Variants in GTF3C1 observed in about 807,000 individuals in gnomAD.
The protein encoded by GTF3C1 is general transcription factor IIIC subunit 1, also known as general transcription factor 3C polypeptide 1.
GTF3C1 carries 57 observed loss-of-function variants against 226.7 expected under a neutral mutation model. The ratio of observed to expected loss-of-function variants is 0.25; its 90% confidence interval spans 0.20 to 0.31. The LOEUF (loss-of-function observed/expected upper bound fraction) is 0.31. Among genes scored for constraint, GTF3C1 ranks in the 10% least tolerant of loss-of-function variants. The pLI is 1.00. For missense variants in GTF3C1, 2,217 were observed against 2,776.1 expected (o/e 0.80, Z 4.53); for synonymous variants, 1,090 against 1,084.8 (o/e 1.00, Z -0.09).
chr16:27,541,598 T>G, intron 2 of GTF3C1, among the ~76,000 whole-genome samples: 1 of 152,158 alleles, frequency 6.6e-6, no homozygotes, highest in Admixed American at 6.5e-5. Context: ...TACGATGGTG[T>G]CTGGGCAATG....
intron 14 of GTF3C1, among the ~76,000 whole-genome samples, chr16:27,496,309 T>A (rs541295860): frequency 6.6e-6 from 1 of 152,338 alleles, no homozygotes; most frequent in African/African-American, 2.4e-5. Context: ...GGTATGCCTT[T>A]ATAATAAGAA....
chr16:27,464,652 G>T lies in GTF3C1; in HGVS notation c.5540C>A (p.Pro1847His). Reference protein sequence around the residue: ...LEGSSSEDSPPEGQAPPSHSP... With the variant: ...LEGSSSEDSPHEGQAPPSHSP... ...GTGAGAAGGAGGTGCCTGCCCCTCG[G>T]GGGGGCTGTCCTCACTGGAAGACCC... Residue 1847 changes from proline (P) to histidine (H), a missense_variant, in exon 34 of 37, where the codon CCC (proline) becomes CAC (histidine). Coordinates refer to ENST00000356183, the MANE Select transcript of GTF3C1 (RefSeq NM_001520.4). The T allele has an allele frequency of 3.9e-6, 6 of 1,525,464 alleles. No individual in the cohort carries two copies. Among genetic ancestry groups the T allele is most frequent in the Non-Finnish European group, 4.4e-6 (5 of 1,140,228 alleles). 94.5% of individuals were successfully genotyped at this position (1,525,464 alleles called of 1,614,324 possible). A position where few individuals can be genotyped will look rare whatever the true frequency, so the allele number is the denominator to read the frequency against.
intron 23 of GTF3C1, 65 bp downstream of exon 23, chr16:27,488,162 C>T (rs1033031181): frequency 4.9e-6 from 7 of 1,415,546 alleles, no homozygotes; most frequent in Non-Finnish European, 6.9e-6. Context: ...TGGAGTGAGG[C>T]TGTCGCACAT....
intron 23 of GTF3C1, among the ~76,000 whole-genome samples, chr16:27,487,134 C>T (rs764362259): frequency 3.9e-5 from 6 of 152,192 alleles, no homozygotes; most frequent in South Asian, 2.1e-4. Context: ...AATTTGGACT[C>T]GAAGTGACAC....
chr16:27,462,946 C>CG lies in GTF3C1; in HGVS notation c.5925-461dup, dbSNP rs1206516700. The CG allele has an allele frequency of 5.7e-6, 1 of 174,364 alleles. No individual in the cohort carries two copies. Among genetic ancestry groups the CG allele is most frequent in the African/African-American group, 2.4e-5 (1 of 42,246 alleles). 10.8% of individuals were successfully genotyped at this position (174,364 alleles called of 1,614,324 possible). A position where few individuals can be genotyped will look rare whatever the true frequency, so the allele number is the denominator to read the frequency against. Reference sequence around the variant, plus strand: ...CTAAACCAGAGACTGAACAGCCACCCGGGGCCCACGAGTGGGGCGGACCCA... The same window carrying CG: ...CTAAACCAGAGACTGAACAGCCACCCGGGGGCCCACGAGTGGGGCGGACCCA... On this transcript the variant is annotated intron_variant, in intron 35 of 36. Coordinates refer to ENST00000356183, the MANE Select transcript of GTF3C1 (RefSeq NM_001520.4). The surrounding 1 kb of genome is among the most constrained non-coding windows in gnomAD (Gnocchi z 4.5).
At chr16:27,478,444 A>G (rs997971301) in intron 28 of GTF3C1, 25 bp downstream of exon 28, 10 of 1,480,476 alleles carry the variant, frequency 6.8e-6, no homozygotes, top group Non-Finnish European at 8.5e-6. Context: ...GCTGAGGAAA[A>G]GCTACTCTAT....
At chr16:27,475,492 G>C (rs1478511495) in intron 29 of GTF3C1, among the ~76,000 whole-genome samples, 1 of 152,074 alleles carries the variant, frequency 6.6e-6, no homozygotes, top group Non-Finnish European at 1.5e-5. Context: ...TGATGACTTG[G>C]GGGAGAACGA....
At position 27,464,807 on chromosome 16, in the gene GTF3C1, C is replaced by G. The variant is rs2087760129; in HGVS notation, c.5385G>C (p.Glu1795Asp). 1 of 1,521,832 alleles carries G rather than the reference C, an allele frequency of 6.6e-7. No homozygotes were observed. The allele number at this position is 1,521,832 out of a possible 1,614,324, so 94.3% of individuals were successfully genotyped here. ...QALLEQHQVL[E>D]VGGNTARLVA... is the part of the protein sequence containing the mutation. ...CCAGGCGCGCAGTGTTGCCACCGAC[C>G]TCCAGCACCTGATGCTGCTCCAGGA... Residue 1795 changes from glutamate to aspartate, a missense_variant, in exon 34 of 37, where the codon GAG (glutamate) becomes GAC (aspartate). Glu to Asp is a conservative substitution (Grantham distance 45). This residue lies in a region of GTF3C1 where 455 missense variants were observed against 441.9 expected (regional missense o/e 1.03). Coordinates refer to ENST00000356183, the MANE Select transcript of GTF3C1 (RefSeq NM_001520.4).
intron 25 of GTF3C1, 89 bp from the exon 26 acceptor site, chr16:27,483,214 G>A (rs1375116832): frequency 7.9e-7 from 1 of 1,268,446 alleles, no homozygotes; most frequent in African/African-American, 1.5e-5. Flanking sequence ...TCATGTTTCT[G>A]GCCTTGGCCG....
chr16:27,521,431 G>T (rs180705826), intron 6 of GTF3C1, among the ~76,000 whole-genome samples: 13 of 152,226 alleles, frequency 8.5e-5, no homozygotes, highest in Admixed American at 1.3e-4. Context: ...CCTGTCCCCA[G>T]TGTGCTCTTC....
Position 27,464,506 on chromosome 16 carries a change from T to C in GTF3C1, c.5686A>G (p.Ser1896Gly). The C allele has an allele frequency of 6.6e-7, 1 of 1,525,150 alleles. No individual in the cohort carries two copies. The highest frequency in any genetic ancestry group is 2.4e-5 in the East Asian group (1 of 41,938). The allele number at this position is 1,525,150 out of a possible 1,614,324, so 94.5% of individuals were successfully genotyped here. A position where few individuals can be genotyped will look rare whatever the true frequency, so the allele number is the denominator to read the frequency against. ...CCATCTTCAGCTCCGGGCCCAAGGC[T>C]GGGGGCCAAATTTGAGTCCTGGAGC... ...PALQDSNLAP[S>G]LGPGAEDGAE... Residue 1896 changes from serine to glycine, a missense_variant, in exon 34 of 37, where the codon AGC becomes GGC. By Grantham distance (56) the Ser-to-Gly change is moderately conservative. Coordinates refer to ENST00000356183, the MANE Select transcript of GTF3C1 (RefSeq NM_001520.4).
chr16:27,549,363 T>C (rs547069203), intron 1 of GTF3C1, among the ~76,000 whole-genome samples: 5 of 152,220 alleles, frequency 3.3e-5, no homozygotes, highest in African/African-American at 1.2e-4. Flanking sequence ...TATCCTCCAA[T>C]GTAAAGGAAA....
intron 6 of GTF3C1, among the ~76,000 whole-genome samples, chr16:27,524,708 A>G (rs2088803118): frequency 6.6e-6 from 1 of 152,232 alleles, no homozygotes; most frequent in African/African-American, 2.4e-5. Flanking sequence ...TCTTTAAGGA[A>G]CTAAGGTTCC....
At chr16:27,528,346 T>C (rs983135946) in intron 6 of GTF3C1, among the ~76,000 whole-genome samples, 1 of 152,186 alleles carries the variant, frequency 6.6e-6, no homozygotes, top group Non-Finnish European at 1.5e-5. Flanking sequence ...ACTTGTTTAT[T>C]TGGGCACCTG....
chr16:27,549,240 T>G (rs1369126444), intron 1 of GTF3C1, among the ~76,000 whole-genome samples: 1 of 152,162 alleles, frequency 6.6e-6, no homozygotes, highest in Non-Finnish European at 1.5e-5. Context: ...ATTGTCCTGA[T>G]ACGCAGATCT....
chr16:27,483,033 A>G lies in GTF3C1; in HGVS notation c.4083+11T>C. On this transcript the variant is annotated intron_variant, in intron 26 of 36. Coordinates refer to ENST00000356183, the MANE Select transcript of GTF3C1 (RefSeq NM_001520.4). ...CAAGCATACCAAGCCCTACACTCAC[A>G]CAGGACCTACCTTTGGGTCATCATA... 1 of 1,613,288 alleles carries G rather than the reference A, an allele frequency of 6.2e-7. No homozygotes were observed. The highest frequency in any genetic ancestry group is 1.3e-5 in the African/African-American group (1 of 75,044).
Position 27,495,479 on chromosome 16 carries a change from C to A in GTF3C1, c.2364G>T (p.Gly788=). ...TTTTGGGCAGAAATCCTAGAGAACG[C>A]CCCAGTCCGGGAACTAAAGCAAGAG... ...NYHPIVVPGL[G]RSLGFLPKMP... Residue 788 remains glycine (G), a synonymous_variant, in exon 15 of 37, where the codon GGG becomes GGT. Transcript: ENST00000356183. The A allele has an allele frequency of 6.2e-7, 1 of 1,613,146 alleles. No homozygotes were observed. The highest frequency in any genetic ancestry group is 1.3e-5 in the African/African-American group (1 of 75,020).
At chr16:27,500,209 TTTTTCTTGGCC>T (rs1466891559) in intron 12 of GTF3C1, among the ~76,000 whole-genome samples, 1 of 152,030 alleles carries the variant, frequency 6.6e-6, no homozygotes, top group Non-Finnish European at 1.5e-5. Context: ...TGGGCTGCAG[TTTTTCTTGGCC>T]TTCTCTGAGG....
chr16:27,495,225 A>C lies in GTF3C1; in HGVS notation c.2618T>G (p.Leu873Arg). 1 of 1,610,852 alleles carries C rather than the reference A, an allele frequency of 6.2e-7. No homozygotes were observed. Among genetic ancestry groups the C allele is most frequent in the South Asian group, 1.1e-5 (1 of 91,052 alleles). Residue 873 changes from leucine (L) to arginine (R), a missense_variant, in exon 15 of 37, where the codon CTT (leucine) becomes CGT (arginine). Around this residue, in one of 12 missense-constraint regions of GTF3C1, gnomAD observed 353 missense variants for 411.7 expected, o/e 0.86. Coordinates refer to ENST00000356183, the MANE Select transcript of GTF3C1 (RefSeq NM_001520.4). ...DGVTWEAEVE[L>R]ATETVYVDDA... ...GGGCCTCTCACCTGTCTCCGTGGCA[A>C]GCTCCACTTCAGCCTCCCAGGTGAC...
Sources: allele counts gnomAD v4.1 joint callset (sites outside exome capture counted in the v4.1 genomes callset), GRCh38; gene constraint gnomAD v4.1.1; regional missense constraint gnomAD v4.1.1; non-coding constraint Gnocchi (gnomAD v3.1); transcripts MANE v1.5; gene names NCBI Gene and HGNC (gene_info 2026-07-23, HGNC 2026-07-21).